OCA2: variants seen among roughly 807,000 people sequenced by gnomAD.
OCA2 encodes the protein OCA2 melanosomal transmembrane protein, also known as P protein.
A neutral mutation model predicts 100.2 loss-of-function variants in OCA2; 77 were observed. The observed-to-expected ratio is 0.77, with a 90% CI of 0.64 to 0.93. The LOEUF (loss-of-function observed/expected upper bound fraction) is 0.93, where lower values mean the gene tolerates loss of function less well. Among genes scored for constraint, OCA2 ranks in the 40% least tolerant of loss-of-function variants. The pLI is 0.00. For missense variants in OCA2, 1,062 were observed against 1,089.1 expected, an observed-to-expected ratio of 0.98 and a Z score of 0.35; for synonymous variants, 432 against 439.2, an observed-to-expected ratio of 0.98 and a Z score of 0.21.
At chr15:27,832,293 C>G (rs548527574) in intron 23 of OCA2, among the ~76,000 whole-genome samples, 2 of 152,180 alleles carry the variant, frequency 1.3e-5, no homozygotes, top group Non-Finnish European at 2.9e-5. Flanking sequence ...CTGGCCTCCC[C>G]GGGGCCACTC....
At chr15:28,075,784 A>C (rs750114489) in intron 2 of OCA2, among the ~76,000 whole-genome samples, 12 of 152,278 alleles carry the variant, frequency 7.9e-5, no homozygotes, top group Non-Finnish European at 1.2e-4. Flanking sequence ...TATACAAAGT[A>C]AAAGAACCAA....
chr15:28,066,528 T>C (rs1292038751), intron 2 of OCA2, among the ~76,000 whole-genome samples: 1 of 152,134 alleles, frequency 6.6e-6, no homozygotes, highest in Non-Finnish European at 1.5e-5. Flanking sequence ...AGCAGACTCT[T>C]TGTAGCAATA....
intron 18 of OCA2, among the ~76,000 whole-genome samples, chr15:27,927,492 T>G (rs569155222): frequency 1.3e-5 from 2 of 152,366 alleles, no homozygotes; most frequent in South Asian, 4.1e-4. Flanking sequence ...TATGTACACA[T>G]GCTTTCAGTT....
intron 23 of OCA2, among the ~76,000 whole-genome samples, chr15:27,818,380 C>T (rs562382194): frequency 7.6e-4 from 115 of 152,258 alleles, no homozygotes; most frequent in African/African-American, 2.6e-3. Flanking sequence ...CAGAGTGAGA[C>T]TCCATCTCCA....
chr15:27,762,779 T>C (rs2030946153), intron 23 of OCA2, among the ~76,000 whole-genome samples: 1 of 152,224 alleles, frequency 6.6e-6, no homozygotes, highest in African/African-American at 2.4e-5. Context: ...ATGGACCTTG[T>C]CTAAAAACGG....
At chr15:27,846,099 G>C (rs6497247) in intron 22 of OCA2, among the ~76,000 whole-genome samples, 15,001 of 152,086 alleles carry the variant, frequency 0.099, 1,702 homozygotes, top group African/African-American at 0.27. Flanking sequence ...CCTTTCTGTA[G>C]ACAGCCATGC....
chr15:27,835,160 C>T (rs1263061572), intron 23 of OCA2, among the ~76,000 whole-genome samples: 1 of 152,208 alleles, frequency 6.6e-6, no homozygotes, highest in Non-Finnish European at 1.5e-5. Flanking sequence ...CTTACAGCTA[C>T]AAGTGACAGA....
intron 23 of OCA2, among the ~76,000 whole-genome samples, chr15:27,790,393 C>A (rs2033024868): frequency 6.6e-6 from 1 of 152,202 alleles, no homozygotes; most frequent in Non-Finnish European, 1.5e-5. Flanking sequence ...GAAATGAAAA[C>A]ATACATCCAC....
chr15:27,850,821 G>A (rs1237616927), intron 22 of OCA2, among the ~76,000 whole-genome samples: 1 of 152,126 alleles, frequency 6.6e-6, no homozygotes, highest in Non-Finnish European at 1.5e-5. Context: ...TCTTAGCTGT[G>A]AGAAGGACTC....
chr15:28,052,720 GC>G (rs1566843289), intron 2 of OCA2, among the ~76,000 whole-genome samples: 1 of 152,194 alleles, frequency 6.6e-6, no homozygotes, highest in Non-Finnish European at 1.5e-5. Flanking sequence ...GAGGTCTAAT[GC>G]CCTGCATTAA....
At chr15:27,933,338 C>A (rs1183296506) in intron 18 of OCA2, among the ~76,000 whole-genome samples, 1 of 127,828 alleles carries the variant, frequency 7.8e-6, no homozygotes, top group Non-Finnish European at 1.5e-5. Flanking sequence ...ATTAAACAGA[C>A]AGAAGGTAGA....
chr15:28,010,178 G>C (rs1045498001), intron 9 of OCA2, among the ~76,000 whole-genome samples: 1 of 151,968 alleles, frequency 6.6e-6, no homozygotes, highest in African/African-American at 2.4e-5. Flanking sequence ...AAAAAAGAGA[G>C]AGAGAGAAGA....
intron 18 of OCA2, among the ~76,000 whole-genome samples, chr15:27,932,232 A>G (rs747362223): frequency 2.0e-5 from 3 of 152,194 alleles, no homozygotes; most frequent in Non-Finnish European, 4.4e-5. Context: ...AACTATTGTG[A>G]ATGTCTGTTC....
the OCA2 span, among the ~76,000 whole-genome samples, chr15:27,730,711 A>C: frequency 7.0e-6 from 1 of 142,700 alleles, no homozygotes; most frequent in Non-Finnish European, 1.5e-5. Context: ...GCTATATGCC[A>C]GGAACCAGAG....
At chr15:27,769,240 A>C (rs755327318) in intron 23 of OCA2, among the ~76,000 whole-genome samples, 21 of 152,362 alleles carry the variant, frequency 1.4e-4, no homozygotes, top group Admixed American at 3.9e-4. Context: ...TAGGGAAGGC[A>C]CTTGCGTGTC....
chr15:28,040,575 T>A (rs1285931086), intron 2 of OCA2, among the ~76,000 whole-genome samples: 3 of 152,108 alleles, frequency 2.0e-5, no homozygotes, highest in African/African-American at 7.2e-5. Flanking sequence ...TTGAAGAGAT[T>A]AACAAAATTG....
chr15:27,955,782 T>A (rs992093267), intron 16 of OCA2, among the ~76,000 whole-genome samples: 2 of 152,134 alleles, frequency 1.3e-5, no homozygotes, highest in African/African-American at 4.8e-5. Flanking sequence ...TTGAAGTCTT[T>A]TCTGTCCATG....
At chr15:27,726,923 A>G in the OCA2 span, among the ~76,000 whole-genome samples, 1 of 152,206 alleles carries the variant, frequency 6.6e-6, no homozygotes, top group South Asian at 2.1e-4. Flanking sequence ...GCCTCCTGAA[A>G]GCAGAGCGCT....
intron 3 of OCA2, among the ~76,000 whole-genome samples, chr15:28,028,789 G>A (rs1283758985): frequency 2.0e-5 from 3 of 152,072 alleles, no homozygotes; most frequent in Admixed American, 1.3e-4. Context: ...AGGTTCAAGC[G>A]ATTCTCCTGC....
Sources: gnomAD v4.1 joint callset for allele counts (sites outside exome capture counted in the v4.1 genomes callset) on GRCh38, gnomAD v4.1.1 for gene constraint, MANE v1.5 for transcripts, NCBI Gene and HGNC (gene_info 2026-07-23, HGNC 2026-07-21) for gene names.